GDAP1L1: variants seen among roughly 807,000 people sequenced by gnomAD.
GDAP1L1 encodes the protein ganglioside induced differentiation associated protein 1 like 1.
A neutral mutation model predicts 37.1 loss-of-function variants in GDAP1L1; 21 were observed. The ratio of observed to expected loss-of-function variants is 0.57; its 90% CI spans 0.40 to 0.81. The LOEUF (loss-of-function observed/expected upper bound fraction) is 0.81, where lower values mean the gene tolerates loss of function less well. GDAP1L1 is among the 40% of genes least tolerant of loss of function. The pLI, the probability that GDAP1L1 is intolerant of heterozygous loss-of-function variation, is 0.00. For synonymous variants in GDAP1L1, 193 were observed against 209.1 expected (o/e 0.92, Z 0.67); for missense variants, 362 against 491.6 (o/e 0.74, Z 2.49).
chr20:44,280,004 T>G lies in GDAP1L1; in HGVS notation c.*704T>G, dbSNP rs1555801639. The G allele has an allele frequency of 2.9e-6, 1 of 344,238 alleles. No homozygotes were observed. The highest frequency in any genetic ancestry group is 5.7e-6 in the Non-Finnish European group (1 of 174,912). 21.3% of individuals were successfully genotyped at this position (344,238 alleles called of 1,614,324 possible). A position where few individuals can be genotyped will look rare whatever the true frequency, so the allele number is the denominator to read the frequency against. ...TCTCTGAAGGCAGCAGCCATCATCCTCTTCCTACCTTGAGTTTTTCTACCC... is the reference window on the plus strand; with the variant it reads ...TCTCTGAAGGCAGCAGCCATCATCCGCTTCCTACCTTGAGTTTTTCTACCC... On this transcript the variant is annotated 3_prime_UTR_variant, in exon 6 of 6. Coordinates refer to ENST00000342560, the MANE Select transcript of GDAP1L1 (RefSeq NM_024034.6).
chr20:44,276,462 A>AAGAAAGAG (rs1714713034), intron 5 of GDAP1L1, among the ~76,000 whole-genome samples: 2 of 151,434 alleles, frequency 1.3e-5, no homozygotes, highest in Admixed American at 1.3e-4. Flanking sequence ...GAAAGAAAGA[A>AAGAAAGAG]AGAAAAAGAA....
chr20:44,247,100 C>A (rs975800418), upstream of GDAP1L1: 2 of 575,110 alleles, frequency 3.5e-6, no homozygotes, highest in Admixed American at 3.1e-5. Context: ...TCCACCCTTG[C>A]AGGGAGCCTG....
At chr20:44,276,113 G>A (rs1315620517) in intron 5 of GDAP1L1, among the ~76,000 whole-genome samples, 2 of 151,520 alleles carry the variant, frequency 1.3e-5, no homozygotes, top group African/African-American at 4.8e-5. Context: ...TCTAAGGTCA[G>A]GATTTCAAGA....
At chr20:44,253,216 A>G (rs1260629199) in intron 1 of GDAP1L1, among the ~76,000 whole-genome samples, 2 of 152,116 alleles carry the variant, frequency 1.3e-5, no homozygotes, top group East Asian at 3.9e-4. Context: ...CCCCACGGAC[A>G]TGTCAGTTCC....
At chr20:44,263,093 TC>T in intron 3 of GDAP1L1, 136 bp from the exon 4 acceptor site, 1 of 707,314 alleles carries the variant, frequency 1.4e-6, no homozygotes, top group Admixed American at 2.0e-5. Flanking sequence ...CCTGCAGTGC[TC>T]CCTAAGTGTT....
intron 3 of GDAP1L1, among the ~76,000 whole-genome samples, chr20:44,260,647 T>C (rs1290670507): frequency 6.6e-6 from 1 of 152,110 alleles, no homozygotes; most frequent in Non-Finnish European, 1.5e-5. Context: ...CCTTCCAAAA[T>C]GCAGCAGCGA....
chr20:44,250,717 A>G (rs970117355), intron 1 of GDAP1L1, among the ~76,000 whole-genome samples: 1 of 152,214 alleles, frequency 6.6e-6, no homozygotes. Flanking sequence ...GCTTGGGGCC[A>G]CAGGGTTTGA....
intron 4 of GDAP1L1, among the ~76,000 whole-genome samples, chr20:44,264,047 A>G (rs1228505662): frequency 6.6e-6 from 1 of 152,158 alleles, no homozygotes; most frequent in Non-Finnish European, 1.5e-5. Context: ...AAGGTGATCA[A>G]CCTTGAAGTA....
intron 3 of GDAP1L1, 99 bp from the exon 4 acceptor site, chr20:44,263,131 C>A: frequency 1.1e-6 from 1 of 871,454 alleles, no homozygotes; most frequent in Non-Finnish European, 2.0e-6. Flanking sequence ...ACTCTTCTGA[C>A]CAGTGTTTGG....
In GDAP1L1 at chr20:44,257,168, G is replaced by T. The variant is rs778357876; in HGVS notation, c.196G>T (p.Ala66Ser). 2 of 1,594,254 alleles carry T rather than the reference G, an allele frequency of 1.3e-6. No homozygotes were observed. The highest frequency in any genetic ancestry group is 1.3e-5 in the African/African-American group (1 of 74,556). The change falls in exon 2 of 6, where the codon GCC becomes TCC. Residue 66 changes from alanine to serine, a missense_variant. Around this residue, in one of 2 missense-constraint regions of GDAP1L1, gnomAD observed 277 missense variants for 337.1 expected, o/e 0.82. Coordinates refer to ENST00000342560, the MANE Select transcript of GDAP1L1 (RefSeq NM_024034.6). ...FSSQKVRLVIAEKGLVCEERD... is the reference protein window; with the variant it reads ...FSSQKVRLVISEKGLVCEERD... ...GCGCCTGCAGGTGCGGCTGGTGATC[G>T]CCGAGAAGGGCCTGGTGTGCGAGGA...
chr20:44,278,258 G>A (rs1308290864), intron 5 of GDAP1L1, among the ~76,000 whole-genome samples: 2 of 152,146 alleles, frequency 1.3e-5, no homozygotes, highest in Non-Finnish European at 2.9e-5. Context: ...CTGAGATGGG[G>A]ATGAGCATGG....
chr20:44,255,639 T>C (rs979788332), intron 1 of GDAP1L1, among the ~76,000 whole-genome samples: 10 of 150,960 alleles, frequency 6.6e-5, no homozygotes, highest in African/African-American at 2.4e-4. Context: ...AACAACACCG[T>C]TCAGGTTCTG....
chr20:44,264,055 G>A (rs2073720230), intron 4 of GDAP1L1, among the ~76,000 whole-genome samples: 1 of 152,174 alleles, frequency 6.6e-6, no homozygotes, highest in South Asian at 2.1e-4. Flanking sequence ...CAACCTTGAA[G>A]TAAGGGGCCA....
At chr20:44,261,846 C>A (rs926054550) in intron 3 of GDAP1L1, among the ~76,000 whole-genome samples, 1 of 152,162 alleles carries the variant, frequency 6.6e-6, no homozygotes, top group African/African-American at 2.4e-5. Context: ...AGGAGGAAAT[C>A]TTTAGCTGAA....
At chr20:44,250,045 C>T (rs2073409610) in intron 1 of GDAP1L1, among the ~76,000 whole-genome samples, 1 of 152,230 alleles carries the variant, frequency 6.6e-6, no homozygotes, top group South Asian at 2.1e-4. Context: ...TCTCTCCAAT[C>T]CTGAAGGGCC....
At position 44,263,221 on chromosome 20, in the gene GDAP1L1, T is replaced by C; in HGVS notation, c.548-9T>C. 13 of 1,611,826 alleles carry C rather than the reference T, an allele frequency of 8.1e-6. No homozygotes were observed. Among genetic ancestry groups the C allele is most frequent in the Non-Finnish European group, 1.1e-5 (13 of 1,178,044 alleles). On this transcript the variant is annotated splice_polypyrimidine_tract_variant and intron_variant, in intron 3 of 5. Coordinates refer to ENST00000342560, the MANE Select transcript of GDAP1L1 (RefSeq NM_024034.6). ...CAGAGGGATGGGACCTTTCCTATTA[T>C]CTCCCCAGGACATTTAGCCAATGCC... is the stretch of plus-strand genomic sequence containing the variant.
intron 1 of GDAP1L1, among the ~76,000 whole-genome samples, chr20:44,250,211 A>C (rs1273779961): frequency 6.6e-6 from 1 of 152,218 alleles, no homozygotes; most frequent in Non-Finnish European, 1.5e-5. Context: ...AGAGGGCAAC[A>C]GGACAGTGTG....
At chr20:44,262,268 C>T (rs913311680) in intron 3 of GDAP1L1, among the ~76,000 whole-genome samples, 1 of 151,664 alleles carries the variant, frequency 6.6e-6, no homozygotes, top group African/African-American at 2.4e-5. Context: ...GGGGTCTGAA[C>T]TAAGAGAGAG....
intron 5 of GDAP1L1, among the ~76,000 whole-genome samples, chr20:44,277,197 G>T (rs897755396): frequency 6.6e-6 from 1 of 151,962 alleles, no homozygotes; most frequent in Non-Finnish European, 1.5e-5. Flanking sequence ...GCTAATTTTT[G>T]TATTTTTAGT....
Sources: allele counts gnomAD v4.1 joint callset (sites outside exome capture counted in the v4.1 genomes callset), GRCh38; gene constraint gnomAD v4.1.1; regional missense constraint gnomAD v4.1.1; transcripts MANE v1.5; gene names NCBI Gene and HGNC (gene_info 2026-07-23, HGNC 2026-07-21).